Variants in LEO1 observed in about 807,000 individuals in gnomAD.
LEO1 encodes LEO1 component of Paf1/RNA polymerase II complex, also known as RNA polymerase-associated protein LEO1.
Under a neutral mutation model 80.4 loss-of-function variants are expected in LEO1, and 34 were observed. The observed-to-expected ratio is 0.42, with a 90% CI of 0.32 to 0.56. The LOEUF (loss-of-function observed/expected upper bound fraction) is 0.56. Ranked by LOEUF, LEO1 falls within the 20% of genes least tolerant of loss-of-function variation. The probability of loss-of-function intolerance (pLI) is 0.10; values close to 1 mark genes in which losing one functional copy is unlikely to be tolerated. For missense variants in LEO1, 631 were observed against 814.2 expected, an observed-to-expected ratio of 0.77 and a Z score of 2.74; for synonymous variants, 262 against 274.9, an observed-to-expected ratio of 0.95 and a Z score of 0.46.
At chr15:51,950,111 T>C (rs953739293) in intron 9 of LEO1, 117 bp from the exon 10 acceptor site, 9 of 903,860 alleles carry the variant, frequency 1.0e-5, no homozygotes, top group Non-Finnish European at 1.5e-5. Context: ...CTGTGCCGTG[T>C]GTGTTCCCCA....
At chr15:51,938,341 G>A in intron 11 of LEO1, 81 bp from the exon 12 acceptor site, 1 of 782,838 alleles carries the variant, frequency 1.3e-6, no homozygotes, top group Non-Finnish European at 2.1e-6. Context: ...GCTATGAGCT[G>A]AATGACCCTC....
At chr15:51,961,989 C>G (rs1566886423) in intron 3 of LEO1, among the ~76,000 whole-genome samples, 1 of 151,676 alleles carries the variant, frequency 6.6e-6, no homozygotes, top group Non-Finnish European at 1.5e-5. Context: ...TAGTGAAACC[C>G]CACCTCTACT....
At chr15:51,955,191 G>A (rs1420286679) in intron 6 of LEO1, 1 of 152,286 alleles carries the variant, frequency 6.6e-6, no homozygotes, top group Non-Finnish European at 1.5e-5. Context: ...GCCCGCCTGG[G>A]CCTCCCAAAG....
chr15:51,959,126 C>G (rs2057011352), intron 5 of LEO1, among the ~76,000 whole-genome samples: 1 of 151,982 alleles, frequency 6.6e-6, no homozygotes, highest in South Asian at 2.1e-4. Flanking sequence ...CCTCAGCCTC[C>G]CGAGTAGCTG....
Position 51,955,741 on chromosome 15 carries a change from G to A in LEO1, c.1246-1166C>T, listed in dbSNP as rs562002589. Among the ~76,000 whole-genome samples, 136 of 152,262 alleles carry A rather than the reference G, an allele frequency of 8.9e-4. 2 individuals carry two copies. Among genetic ancestry groups the A allele is most frequent in the African/African-American group, 2.7e-3 (114 of 41,550 alleles). On this transcript the variant is annotated intron_variant, in intron 6 of 11. Coordinates refer to ENST00000299601, the MANE Select transcript of LEO1 (RefSeq NM_138792.4). The stretch of plus-strand genomic sequence containing the variant: ...AGCTGCTCCCAGTCCCACGGAGATC[G>A]TCTGGATCTCCACTCCTTTAGCTGC...
At chr15:51,961,937 G>A (rs1050248470) in intron 3 of LEO1, among the ~76,000 whole-genome samples, 2 of 151,860 alleles carry the variant, frequency 1.3e-5, no homozygotes, top group African/African-American at 2.4e-5. Flanking sequence ...TGAGGTGGGT[G>A]GAACACTTGA....
chr15:51,962,671 G>A (rs1448852507), intron 2 of LEO1, among the ~76,000 whole-genome samples, 178 bp from the exon 3 acceptor site: 1 of 152,216 alleles, frequency 6.6e-6, no homozygotes, highest in Non-Finnish European at 1.5e-5. Flanking sequence ...TATATGCCAA[G>A]TTAAAGAGGC....
intron 9 of LEO1, 92 bp downstream of exon 9, chr15:51,951,752 G>C: frequency 1.8e-6 from 2 of 1,107,766 alleles, no homozygotes; most frequent in Non-Finnish European, 2.6e-6. Context: ...GGAAAAGGTA[G>C]GCCAATAAGA....
At chr15:51,943,271 TG>T (rs2056871145) in intron 11 of LEO1, among the ~76,000 whole-genome samples, 1 of 149,522 alleles carries the variant, frequency 6.7e-6, no homozygotes, top group Non-Finnish European at 1.5e-5. Context: ...CCCAGATACT[TG>T]GGAGGCTGAG....
At chr15:51,967,120 T>C (rs191899403) in intron 1 of LEO1, among the ~76,000 whole-genome samples, 2 of 152,258 alleles carry the variant, frequency 1.3e-5, no homozygotes, top group Non-Finnish European at 1.5e-5. Context: ...CCTTAAGTTA[T>C]ACCAATGTAT....
chr15:51,945,769 T>C (rs972190656), intron 11 of LEO1, among the ~76,000 whole-genome samples: 1 of 152,196 alleles, frequency 6.6e-6, no homozygotes, highest in Admixed American at 6.5e-5. Context: ...GCGCACTGGC[T>C]CACGCCTGTA....
intron 1 of LEO1, among the ~76,000 whole-genome samples, chr15:51,968,508 G>C (rs972187621): frequency 4.6e-5 from 7 of 151,696 alleles, no homozygotes; most frequent in Non-Finnish European, 8.8e-5. Flanking sequence ...GCCACTGCAT[G>C]AAAGGGGAGA....
intron 10 of LEO1, among the ~76,000 whole-genome samples, chr15:51,948,341 A>G (rs900671990): frequency 3.3e-5 from 5 of 152,134 alleles, no homozygotes; most frequent in South Asian, 2.1e-4. Flanking sequence ...CTCTCTCTTA[A>G]AGCATCCTTG....
intron 3 of LEO1, 36 bp downstream of exon 3, chr15:51,962,353 A>G (rs368292081): frequency 7.5e-7 from 1 of 1,326,454 alleles, no homozygotes; most frequent in African/African-American, 1.5e-5. Context: ...AGAAAGAGGT[A>G]TGGAAATATA....
At chr15:51,942,789 G>A (rs535915810) in intron 11 of LEO1, among the ~76,000 whole-genome samples, 1 of 152,114 alleles carries the variant, frequency 6.6e-6, no homozygotes, top group East Asian at 1.9e-4. Context: ...GGGCGTGGTG[G>A]CAGGTGCCTA....
At chr15:51,962,164 TAAAAAAAAA>T (rs11407897) in intron 3 of LEO1, among the ~76,000 whole-genome samples, 1 of 133,842 alleles carries the variant, frequency 7.5e-6, no homozygotes, top group East Asian at 2.2e-4. Context: ...CTCTGTCTCT[TAAAAAAAAA>T]AAAAAAAACT....
intron 11 of LEO1, among the ~76,000 whole-genome samples, chr15:51,939,037 T>C (rs1399598623): frequency 6.6e-6 from 1 of 151,922 alleles, no homozygotes; most frequent in Non-Finnish European, 1.5e-5. Context: ...ATACAAAAAT[T>C]AGCCAGGTGT....
At chr15:51,962,976 T>A (rs574697495) in intron 2 of LEO1, among the ~76,000 whole-genome samples, 12 of 149,402 alleles carry the variant, frequency 8.0e-5, no homozygotes, top group Admixed American at 7.4e-4. Flanking sequence ...AAAAACAGAA[T>A]TCTTAAAATA....
chr15:51,971,641 G>A (rs1019933101), intron 1 of LEO1, 47 bp downstream of exon 1: 1 of 1,597,896 alleles, frequency 6.3e-7, no homozygotes, highest in East Asian at 2.2e-5. Context: ...GGCTCCCACA[G>A]CGGAAGGCCT....
Sources: allele counts gnomAD v4.1 joint callset (sites outside exome capture counted in the v4.1 genomes callset), GRCh38; gene constraint gnomAD v4.1.1; transcripts MANE v1.5; gene names NCBI Gene and HGNC (gene_info 2026-07-23, HGNC 2026-07-21).